The following DPP6 variants were observed in gnomAD, a reference collection of about 807,000 sequenced individuals.
The protein encoded by DPP6 is A-type potassium channel modulatory protein DPP6.
In DPP6, 69 loss-of-function variants were observed where a neutral mutation model predicts 122.6. The ratio of observed to expected loss-of-function variants is 0.56; its 90% CI spans 0.46 to 0.69. The LOEUF (loss-of-function observed/expected upper bound fraction) is 0.69, where lower values mean the gene tolerates loss of function less well. Ranked by LOEUF, DPP6 falls within the 30% of genes least tolerant of loss-of-function variation. The probability of loss-of-function intolerance (pLI) is 0.00; values close to 1 mark genes in which losing one functional copy is unlikely to be tolerated. For missense variants in DPP6, 928 were observed against 1,116.9 expected (o/e 0.83, Z 2.41); for synonymous variants, 418 against 433.1 (o/e 0.97, Z 0.43).
At chr7:154,420,029 T>C (rs1459354095) in intron 1 of DPP6, among the ~76,000 whole-genome samples, 1 of 152,168 alleles carries the variant, frequency 6.6e-6, no homozygotes, top group Non-Finnish European at 1.5e-5. Flanking sequence ...CAATGGAATA[T>C]TATTCAGCCT....
intron 1 of DPP6, among the ~76,000 whole-genome samples, chr7:154,419,965 C>T (rs1219618179): frequency 6.6e-6 from 1 of 152,116 alleles, no homozygotes; most frequent in East Asian, 1.9e-4. Context: ...AATGTGGAAA[C>T]AATGTAAATG....
intron 1 of DPP6, among the ~76,000 whole-genome samples, chr7:154,167,257 T>C (rs1157708389): frequency 1.3e-5 from 2 of 152,044 alleles, no homozygotes; most frequent in East Asian, 3.9e-4. Context: ...AGAGGGTGGG[T>C]AGGCAAATAG....
the DPP6 span, among the ~76,000 whole-genome samples, chr7:153,847,810 G>A: frequency 6.4e-4 from 97 of 152,150 alleles, no homozygotes; most frequent in Non-Finnish European, 1.0e-3. Flanking sequence ...TTTTGCATGC[G>A]TCTGCAGTTC....
At chr7:153,801,695 T>C in the DPP6 span, among the ~76,000 whole-genome samples, 1 of 152,124 alleles carries the variant, frequency 6.6e-6, no homozygotes, top group Admixed American at 6.5e-5. Context: ...GCAAGATGGC[T>C]CAAGGCAATT....
chr7:153,986,854 T>C (rs1208443393), intron 1 of DPP6, among the ~76,000 whole-genome samples: 2 of 151,656 alleles, frequency 1.3e-5, no homozygotes, highest in Non-Finnish European at 2.9e-5. Context: ...CTCTTTATCC[T>C]GTAGAGCACG....
At chr7:153,965,614 G>A (rs540991841) in intron 1 of DPP6, among the ~76,000 whole-genome samples, 18 of 152,202 alleles carry the variant, frequency 1.2e-4, no homozygotes, top group South Asian at 2.1e-4. Flanking sequence ...CTGGGTTCAC[G>A]CCATTCTCCT....
chr7:154,574,463 C>T (rs1454399347), intron 5 of DPP6, among the ~76,000 whole-genome samples: 172 of 32,464 alleles, frequency 5.3e-3, no homozygotes, highest in South Asian at 0.013. Context: ...GTGTGTGGTA[C>T]GTGTATATGT....
chr7:154,737,444 T>C (rs1328066101), intron 8 of DPP6, among the ~76,000 whole-genome samples: 1 of 152,236 alleles, frequency 6.6e-6, no homozygotes, highest in East Asian at 1.9e-4. Context: ...TGTAAATAGT[T>C]GATATGCTGT....
At chr7:154,009,595 C>T (rs1440890197) in intron 1 of DPP6, among the ~76,000 whole-genome samples, 1 of 152,084 alleles carries the variant, frequency 6.6e-6, no homozygotes. Flanking sequence ...ATGTTCTCCA[C>T]TCTTGTGTCC....
chr7:153,852,242 C>G, the DPP6 span, among the ~76,000 whole-genome samples: 1 of 152,100 alleles, frequency 6.6e-6, no homozygotes, highest in African/African-American at 2.4e-5. Context: ...TAGACTGTTG[C>G]GTTGCTCTAA....
At chr7:154,474,124 A>T (rs1231625874) in intron 2 of DPP6, among the ~76,000 whole-genome samples, 3 of 152,220 alleles carry the variant, frequency 2.0e-5, no homozygotes, top group Admixed American at 2.0e-4. Context: ...CAGGTCAGGC[A>T]TGCTGACAGC....
intron 1 of DPP6, among the ~76,000 whole-genome samples, chr7:154,335,568 C>T (rs1185275638): frequency 1.3e-5 from 2 of 152,122 alleles, no homozygotes; most frequent in African/African-American, 4.8e-5. Flanking sequence ...TAAGCAATTA[C>T]CGTAGTAGAT....
At chr7:154,555,940 G>T (rs924969546) in intron 4 of DPP6, among the ~76,000 whole-genome samples, 9 of 152,174 alleles carry the variant, frequency 5.9e-5, no homozygotes, top group Middle Eastern at 3.4e-3. Flanking sequence ...TTTGAAAGTT[G>T]ATATCAAACT....
chr7:154,495,423 CAG>C (rs1210513876), intron 3 of DPP6, among the ~76,000 whole-genome samples: 3 of 150,576 alleles, frequency 2.0e-5, no homozygotes, highest in Non-Finnish European at 2.9e-5. Flanking sequence ...TTGTTTGAGA[CAG>C]AGTCTTGCTC....
chr7:153,918,982 A>AT, intron 1 of DPP6, among the ~76,000 whole-genome samples: 1 of 151,030 alleles, frequency 6.6e-6, no homozygotes, highest in Middle Eastern at 3.4e-3. Flanking sequence ...CTGTCTCAAA[A>AT]AAAAAAAAAA....
intron 4 of DPP6, among the ~76,000 whole-genome samples, chr7:154,560,785 A>G (rs1407799915): frequency 6.6e-6 from 1 of 151,876 alleles, no homozygotes; most frequent in Non-Finnish European, 1.5e-5. Flanking sequence ...CGGGAGGCTG[A>G]GGCAGGACAA....
chr7:154,627,716 T>C (rs1835175022), intron 5 of DPP6, among the ~76,000 whole-genome samples: 1 of 152,156 alleles, frequency 6.6e-6, no homozygotes, highest in South Asian at 2.1e-4. Flanking sequence ...GACTTACAGT[T>C]CACTGGACCA....
At chr7:154,345,882 G>C (rs923267787) in intron 1 of DPP6, among the ~76,000 whole-genome samples, 1 of 152,108 alleles carries the variant, frequency 6.6e-6, no homozygotes, top group African/African-American at 2.4e-5. Flanking sequence ...CTGCTCCCTC[G>C]TTCCATCCAT....
intron 16 of DPP6, among the ~76,000 whole-genome samples, chr7:154,843,163 G>A (rs755285375): frequency 4.6e-5 from 7 of 152,194 alleles, no homozygotes; most frequent in African/African-American, 1.2e-4. Context: ...TTAGCCAGGC[G>A]TGGTGGCGCA....
Sources: allele counts gnomAD v4.1 joint callset (sites outside exome capture counted in the v4.1 genomes callset), GRCh38; gene constraint gnomAD v4.1.1; transcripts MANE v1.5; gene names NCBI Gene and HGNC (gene_info 2026-07-23, HGNC 2026-07-21).